SPIRE1: variants seen among roughly 807,000 people sequenced by gnomAD.
SPIRE1 encodes the protein spire type actin nucleation factor 1.
SPIRE1 carries 40 observed loss-of-function variants against 94.1 expected under a neutral mutation model. The observed-to-expected ratio is 0.43, with a 90% CI of 0.33 to 0.55. SPIRE1 has a LOEUF of 0.55. Ranked by LOEUF, SPIRE1 falls within the 20% of genes least tolerant of loss-of-function variation. The pLI, the probability that SPIRE1 is intolerant of heterozygous loss-of-function variation, is 0.06. For synonymous variants in SPIRE1, 376 were observed against 371.7 expected (o/e 1.01, Z -0.13); for missense variants, 838 against 975.2 (o/e 0.86, Z 1.87).
intron 2 of SPIRE1, among the ~76,000 whole-genome samples, chr18:12,579,200 T>TACACACACACACACACACAC (rs60826359): frequency 1.7e-5 from 2 of 119,002 alleles, no homozygotes; most frequent in Non-Finnish European, 4.0e-5. Flanking sequence ...CACACACACA[T>TACACACACACACACACACAC]ACACACACAC....
chr18:12,660,743 C>T (rs1361149510), upstream of SPIRE1, among the ~76,000 whole-genome samples: 2 of 151,940 alleles, frequency 1.3e-5, no homozygotes, highest in Non-Finnish European at 2.9e-5. Context: ...ACAGTTATAT[C>T]CAACAGAAGG....
chr18:12,534,536 G>T (rs1051532746), intron 4 of SPIRE1, among the ~76,000 whole-genome samples: 1 of 152,172 alleles, frequency 6.6e-6, no homozygotes, highest in Non-Finnish European at 1.5e-5. Context: ...CTCAGTTTAG[G>T]TGGGCACCAT....
In SPIRE1 at chr18:12,489,737, T is replaced by C. The variant is rs369422999; in HGVS notation, c.1189+3335A>G. Among the ~76,000 whole-genome samples the C allele has an allele frequency of 1.6e-3, 251 of 152,346 alleles. 1 individual carries two copies. Among genetic ancestry groups the C allele is most frequent in the African/African-American group, 5.1e-3 (213 of 41,590 alleles). On this transcript the variant is annotated intron_variant, in intron 8 of 16. Transcript: ENST00000409402. The stretch of plus-strand genomic sequence containing the variant: ...GTATTTGGAGTCATATTTAATGACA[T>C]AGGAAGATGGTCATGCCAAATAAAC...
intron 7 of SPIRE1, among the ~76,000 whole-genome samples, chr18:12,494,838 C>CAAAAAAAAAAA (rs71172091): frequency 3.1e-5 from 1 of 32,010 alleles, no homozygotes; most frequent in Non-Finnish European, 5.2e-5. Flanking sequence ...GACTCCATCT[C>CAAAAAAAAAAA]AAAAAAAAAA....
At chr18:12,609,369 T>G (rs766439076) in intron 2 of SPIRE1, among the ~76,000 whole-genome samples, 1 of 152,204 alleles carries the variant, frequency 6.6e-6, no homozygotes, top group African/African-American at 2.4e-5. Flanking sequence ...AGCTGGTTGA[T>G]GAAACCTCTG....
intron 2 of SPIRE1, among the ~76,000 whole-genome samples, chr18:12,556,862 A>G (rs2035527365): frequency 6.6e-6 from 1 of 152,176 alleles, no homozygotes; most frequent in Admixed American, 6.5e-5. Context: ...AGGGGACCCC[A>G]GCGGGTTGCC....
At chr18:12,488,165 T>C (rs1370970155) in intron 8 of SPIRE1, among the ~76,000 whole-genome samples, 4 of 152,242 alleles carry the variant, frequency 2.6e-5, no homozygotes, top group African/African-American at 4.8e-5. Context: ...TGAATATCGT[T>C]TGCCATATCC....
intron 2 of SPIRE1, among the ~76,000 whole-genome samples, chr18:12,624,845 A>AAC (rs1453713656): frequency 1.3e-5 from 2 of 151,670 alleles, no homozygotes; most frequent in East Asian, 3.9e-4. Flanking sequence ...AAAAAAAAAA[A>AAC]GTAATTATAA....
At chr18:12,484,455 T>G (rs1309325382) in intron 9 of SPIRE1, among the ~76,000 whole-genome samples, 2 of 152,212 alleles carry the variant, frequency 1.3e-5, no homozygotes, top group Non-Finnish European at 2.9e-5. Context: ...TGTAAAATAT[T>G]ACAGTCATGC....
At chr18:12,514,348 C>CT (rs1360703340) in intron 4 of SPIRE1, among the ~76,000 whole-genome samples, 1 of 152,126 alleles carries the variant, frequency 6.6e-6, no homozygotes, top group African/African-American at 2.4e-5. Flanking sequence ...TAGTTTATGT[C>CT]TTTTTCCATA....
At chr18:12,455,136 C>G (rs1381330610) in intron 12 of SPIRE1, among the ~76,000 whole-genome samples, 2 of 151,980 alleles carry the variant, frequency 1.3e-5, no homozygotes, top group Non-Finnish European at 2.9e-5. Flanking sequence ...TGGGGTTTCA[C>G]CATGTTGCCC....
intron 2 of SPIRE1, among the ~76,000 whole-genome samples, chr18:12,577,285 C>T (rs1214514589): frequency 6.6e-6 from 1 of 151,968 alleles, no homozygotes; most frequent in Non-Finnish European, 1.5e-5. Context: ...GTAGCTGGGA[C>T]TACAGGCGCC....
chr18:12,551,729 G>C (rs948818596), intron 2 of SPIRE1, among the ~76,000 whole-genome samples: 146 of 151,730 alleles, frequency 9.6e-4, no homozygotes, highest in African/African-American at 3.4e-3. Context: ...TGGGGCGGGA[G>C]AGGGGTGGAG....
At chr18:12,568,469 AT>A (rs2035873056) in intron 2 of SPIRE1, among the ~76,000 whole-genome samples, 1 of 152,114 alleles carries the variant, frequency 6.6e-6, no homozygotes, top group Non-Finnish European at 1.5e-5. Context: ...TCATCTGTCC[AT>A]CCTCTTGCTC....
chr18:12,486,491 T>A (rs2033046152), intron 8 of SPIRE1, among the ~76,000 whole-genome samples: 1 of 152,208 alleles, frequency 6.6e-6, no homozygotes, highest in African/African-American at 2.4e-5. Context: ...TTCAGCAGCA[T>A]CACCATTATG....
upstream of SPIRE1, among the ~76,000 whole-genome samples, chr18:12,660,039 A>ACCT (rs2038663503): frequency 6.6e-6 from 1 of 152,010 alleles, no homozygotes; most frequent in East Asian, 1.9e-4. Flanking sequence ...CAACACTACC[A>ACCT]CCTCCTGGCC....
chr18:12,521,394 C>T (rs1023208272), intron 4 of SPIRE1, among the ~76,000 whole-genome samples: 4 of 151,516 alleles, frequency 2.6e-5, no homozygotes, highest in Admixed American at 6.6e-5. Context: ...TGCAGTGGCA[C>T]GTGATCTCAG....
intron 12 of SPIRE1, among the ~76,000 whole-genome samples, chr18:12,460,256 T>TG (rs1016923613): frequency 7.2e-5 from 11 of 152,282 alleles, no homozygotes; most frequent in African/African-American, 2.6e-4. Flanking sequence ...TGAGAAAGCA[T>TG]GGGGACATGT....
At chr18:12,486,493 A>G (rs1249373928) in intron 8 of SPIRE1, among the ~76,000 whole-genome samples, 1 of 152,206 alleles carries the variant, frequency 6.6e-6, no homozygotes, top group Non-Finnish European at 1.5e-5. Context: ...CAGCAGCATC[A>G]CCATTATGTG....
Sources: gnomAD v4.1 joint callset for allele counts (sites outside exome capture counted in the v4.1 genomes callset) on GRCh38, gnomAD v4.1.1 for gene constraint, MANE v1.5 for transcripts, NCBI Gene and HGNC (gene_info 2026-07-23, HGNC 2026-07-21) for gene names.